Variants in SLC24A2 observed in about 807,000 individuals in gnomAD.
The protein encoded by SLC24A2 is solute carrier family 24 member 2.
Under a neutral mutation model 62.0 loss-of-function variants are expected in SLC24A2, and 36 were observed. The ratio of observed to expected loss-of-function variants is 0.58; its 90% CI spans 0.44 to 0.77. SLC24A2 has a LOEUF of 0.77. SLC24A2 is among the 30% of genes least tolerant of loss of function. SLC24A2 has a pLI of 0.00. For synonymous variants in SLC24A2, 358 were observed against 294.0 expected, an observed-to-expected ratio of 1.22 and a Z score of -2.23; for missense variants, 846 against 817.9, an observed-to-expected ratio of 1.03 and a Z score of -0.42.
chr9:19,549,846 C>A (rs559576170), intron 8 of SLC24A2, among the ~76,000 whole-genome samples: 7 of 152,318 alleles, frequency 4.6e-5, no homozygotes, highest in African/African-American at 1.4e-4. Context: ...GGTTGTTTCA[C>A]ACCACTAAGT....
the SLC24A2 span, among the ~76,000 whole-genome samples, chr9:20,237,682 T>G: frequency 6.6e-6 from 1 of 152,196 alleles, no homozygotes; most frequent in Non-Finnish European, 1.5e-5. Flanking sequence ...ACTCCGATTT[T>G]TTTTTGTTTT....
At chr9:19,910,267 C>G in the SLC24A2 span, among the ~76,000 whole-genome samples, 7 of 152,240 alleles carry the variant, frequency 4.6e-5, no homozygotes, top group East Asian at 1.4e-3. Flanking sequence ...CTGCTCCTTA[C>G]CCTTCCTATC....
chr9:19,727,212 C>T (rs546667028), intron 2 of SLC24A2, among the ~76,000 whole-genome samples: 1 of 152,212 alleles, frequency 6.6e-6, no homozygotes, highest in South Asian at 2.1e-4. Flanking sequence ...AGTTGACATA[C>T]ATATTAGACA....
chr9:19,987,570 A>C, the SLC24A2 span, among the ~76,000 whole-genome samples: 1 of 152,112 alleles, frequency 6.6e-6, no homozygotes, highest in African/African-American at 2.4e-5. Flanking sequence ...ACCAGGTTCC[A>C]CTTCACCACT....
the SLC24A2 span, among the ~76,000 whole-genome samples, chr9:20,178,798 C>A: frequency 6.6e-6 from 1 of 152,148 alleles, no homozygotes; most frequent in South Asian, 2.1e-4. Context: ...GTGTCAAGTA[C>A]AACTTGCTTC....
the SLC24A2 span, among the ~76,000 whole-genome samples, chr9:19,905,183 A>C: frequency 6.6e-6 from 1 of 152,054 alleles, no homozygotes; most frequent in Non-Finnish European, 1.5e-5. Flanking sequence ...CTTCTGGCTC[A>C]GTTGGTTCAT....
chr9:20,110,727 T>G, the SLC24A2 span, among the ~76,000 whole-genome samples: 2 of 152,160 alleles, frequency 1.3e-5, no homozygotes, highest in Non-Finnish European at 2.9e-5. Context: ...AGGAAAAAAA[T>G]GTTGATCCAA....
intron 4 of SLC24A2, among the ~76,000 whole-genome samples, chr9:19,616,002 AC>A: frequency 8.1e-6 from 1 of 123,786 alleles, no homozygotes; most frequent in African/African-American, 3.4e-5. Context: ...GTGCACACAC[AC>A]ACACACACAC....
the SLC24A2 span, among the ~76,000 whole-genome samples, chr9:19,975,998 TC>T: frequency 6.6e-6 from 1 of 152,112 alleles, no homozygotes; most frequent in Non-Finnish European, 1.5e-5. Flanking sequence ...CAAGCGATCC[TC>T]CCAAGCAGCT....
chr9:19,603,053 C>T (rs1161978657), intron 4 of SLC24A2, among the ~76,000 whole-genome samples: 1 of 151,942 alleles, frequency 6.6e-6, no homozygotes, highest in Admixed American at 6.6e-5. Context: ...ATTTGAATAG[C>T]AAAGAACATA....
the SLC24A2 span, among the ~76,000 whole-genome samples, chr9:20,071,062 TCTTC>T: frequency 2.0e-5 from 3 of 152,204 alleles, no homozygotes; most frequent in Admixed American, 2.0e-4. Context: ...TTCTCTCTCT[TCTTC>T]CTCTTTGGCC....
chr9:19,717,866 T>A (rs1820903141), intron 2 of SLC24A2, among the ~76,000 whole-genome samples: 1 of 151,934 alleles, frequency 6.6e-6, no homozygotes, highest in Non-Finnish European at 1.5e-5. Flanking sequence ...CCCCACTAAA[T>A]GAAAATTCCA....
the SLC24A2 span, among the ~76,000 whole-genome samples, chr9:20,057,444 A>C: frequency 6.6e-6 from 1 of 152,150 alleles, no homozygotes; most frequent in Admixed American, 6.5e-5. Flanking sequence ...AGTCCTTCCT[A>C]ACCAGACACC....
At chr9:19,745,599 T>G (rs924331168) in intron 2 of SLC24A2, among the ~76,000 whole-genome samples, 1 of 152,160 alleles carries the variant, frequency 6.6e-6, no homozygotes, top group South Asian at 2.1e-4. Flanking sequence ...ACCACTGCCT[T>G]AAAATATACC....
the SLC24A2 span, among the ~76,000 whole-genome samples, chr9:19,874,803 A>G: frequency 3.3e-5 from 5 of 152,162 alleles, no homozygotes; most frequent in Admixed American, 6.5e-5. Flanking sequence ...AGTCTTCTTT[A>G]TCTGCATTTC....
chr9:19,706,379 CTT>C (rs34321235), intron 2 of SLC24A2, among the ~76,000 whole-genome samples: 1 of 131,932 alleles, frequency 7.6e-6, no homozygotes. Flanking sequence ...GGTCTTGAAT[CTT>C]TTTTTTTTTT....
At chr9:19,531,232 C>T (rs555733032) in intron 8 of SLC24A2, among the ~76,000 whole-genome samples, 15 of 152,290 alleles carry the variant, frequency 9.8e-5, no homozygotes, top group South Asian at 2.1e-4. Flanking sequence ...CAGGTAATCA[C>T]TTCTTTCATT....
chr9:19,996,915 G>T, the SLC24A2 span, among the ~76,000 whole-genome samples: 1 of 151,928 alleles, frequency 6.6e-6, no homozygotes. Context: ...AACATTATTA[G>T]ATTTGAATTT....
chr9:19,678,582 G>C (rs939193394), intron 2 of SLC24A2, among the ~76,000 whole-genome samples: 7 of 152,162 alleles, frequency 4.6e-5, no homozygotes, highest in African/African-American at 1.7e-4. Flanking sequence ...TTCATCCAAA[G>C]AAAATCAGAA....
Sources: gnomAD v4.1 joint callset for allele counts (sites outside exome capture counted in the v4.1 genomes callset) on GRCh38, gnomAD v4.1.1 for gene constraint, MANE v1.5 for transcripts, NCBI Gene and HGNC (gene_info 2026-07-23, HGNC 2026-07-21) for gene names.